The following SEMA3A variants were observed in gnomAD, a reference collection of about 807,000 sequenced individuals.
SEMA3A encodes semaphorin-3A.
In SEMA3A, 29 loss-of-function variants were observed where a neutral mutation model predicts 97.9. The observed-to-expected ratio is 0.30, with a 90% CI of 0.22 to 0.40. SEMA3A has a LOEUF of 0.40. Among genes scored for constraint, SEMA3A ranks in the 10% least tolerant of loss-of-function variants. SEMA3A has a pLI of 1.00. For missense variants in SEMA3A, 763 were observed against 951.3 expected (o/e 0.80, Z 2.60); for synonymous variants, 321 against 323.7 (o/e 0.99, Z 0.09).
At chr7:84,440,581 T>C (rs912113694) in intron 1 of SEMA3A, among the ~76,000 whole-genome samples, 1 of 152,024 alleles carries the variant, frequency 6.6e-6, no homozygotes, top group African/African-American at 2.4e-5. Flanking sequence ...GACTAGAACA[T>C]CAAAAAGCAA....
At chr7:84,448,477 T>C (rs533059240) in intron 1 of SEMA3A, among the ~76,000 whole-genome samples, 366 of 152,214 alleles carry the variant, frequency 2.4e-3, no homozygotes, top group Non-Finnish European at 3.9e-3. Context: ...ACTTTAAAAA[T>C]TACTTGTATT....
At chr7:84,403,769 T>C (rs187364832) in intron 1 of SEMA3A, among the ~76,000 whole-genome samples, 64 of 152,244 alleles carry the variant, frequency 4.2e-4, no homozygotes, top group Admixed American at 1.4e-3. Context: ...CCACTGCTGA[T>C]ACCCAGGCAA....
chr7:84,243,327 T>G (rs1799408108), intron 3 of SEMA3A, among the ~76,000 whole-genome samples: 1 of 152,208 alleles, frequency 6.6e-6, no homozygotes, highest in African/African-American at 2.4e-5. Context: ...TTTCAGAACT[T>G]GTTATTGGTC....
chr7:84,012,134 T>A (rs1435950493), intron 7 of SEMA3A, among the ~76,000 whole-genome samples: 2 of 152,082 alleles, frequency 1.3e-5, no homozygotes, highest in Admixed American at 6.5e-5. Flanking sequence ...TTAGGAGAAA[T>A]GAGTTTAAGA....
Position 84,445,493 on chromosome 7 carries a change from C to CAAAAAAAAAAAAAAAA in SEMA3A, c.-246+46951_-246+46966dup, listed in dbSNP as rs61298477. ...TGGGCGACAGAGTGAGACTCCATCT[C>CAAAAAAAAAAAAAAAA]AAAAAAAAAAAAAAAAAAAAAAAAA... On this transcript the variant is annotated intron_variant, in intron 1 of 3. Transcript: ENST00000424555. 1.9e-3 allele frequency among the ~76,000 whole-genome samples: 53 copies of CAAAAAAAAAAAAAAAA among 27,588 alleles called. 3 individuals carry two copies. The highest frequency in any genetic ancestry group is 0.062 in the Middle Eastern group (1 of 16). 18.1% of individuals were successfully genotyped at this position (27,588 alleles called of 152,430 possible). A position where few individuals can be genotyped will look rare whatever the true frequency, so the allele number is the denominator to read the frequency against.
chr7:84,482,329 T>C, intron 1 of SEMA3A, among the ~76,000 whole-genome samples: 1 of 152,290 alleles, frequency 6.6e-6, no homozygotes, highest in South Asian at 2.1e-4. Flanking sequence ...TTTATAATTA[T>C]TGTATACCGA....
At chr7:84,484,053 GA>G (rs879740885) in intron 1 of SEMA3A, among the ~76,000 whole-genome samples, 5,426 of 117,916 alleles carry the variant, frequency 0.046, 130 homozygotes, top group Non-Finnish European at 0.068. Flanking sequence ...TCAAAAAAAA[GA>G]AAAAAAAAAA....
intron 4 of SEMA3A, among the ~76,000 whole-genome samples, chr7:84,092,541 G>A (rs1261443072): frequency 6.6e-6 from 1 of 151,864 alleles, no homozygotes; most frequent in Non-Finnish European, 1.5e-5. Context: ...TTTTCAATGT[G>A]ATAAATGAGT....
chr7:84,432,649 T>C (rs1430397521), intron 1 of SEMA3A, among the ~76,000 whole-genome samples: 1 of 152,206 alleles, frequency 6.6e-6, no homozygotes, highest in East Asian at 1.9e-4. Flanking sequence ...TTTTGTTTTC[T>C]GTTCCTGCAT....
upstream of SEMA3A, among the ~76,000 whole-genome samples, chr7:84,196,745 C>A (rs1204691048): frequency 6.6e-6 from 1 of 152,196 alleles, no homozygotes; most frequent in Non-Finnish European, 1.5e-5. Context: ...ATTCATGTCG[C>A]TTTGGGATTA....
chr7:84,055,292 C>T (rs1162721499), intron 5 of SEMA3A, among the ~76,000 whole-genome samples: 5 of 152,166 alleles, frequency 3.3e-5, no homozygotes, highest in Admixed American at 1.3e-4. Context: ...GGCGGGCGCC[C>T]CTCCCCCCGC....
chr7:84,355,201 C>T (rs1401096871), intron 2 of SEMA3A, among the ~76,000 whole-genome samples: 1 of 151,838 alleles, frequency 6.6e-6, no homozygotes, highest in Non-Finnish European at 1.5e-5. Flanking sequence ...AAATCCTGAG[C>T]TCTGCTCAAT....
In SEMA3A at chr7:84,091,135, AGAAGGAAGGAAG is replaced by A. The variant is rs1272289412; in HGVS notation, c.453+19323_453+19334del. ...GAAAGAAAGAAAAAGAAAGAAAGAA[AGAAGGAAGGAAG>A]GAAGGAAGGAAGGAAGGAAGGAAAG... is the stretch of plus-strand genomic sequence containing the variant. On this transcript the variant is annotated intron_variant, in intron 4 of 16. Transcript: ENST00000265362. 6.3e-4 allele frequency among the ~76,000 whole-genome samples: 32 copies of A among 50,972 alleles called. 2 individuals are homozygous for A. Among genetic ancestry groups the A allele is most frequent in the East Asian group, 3.6e-3 (6 of 1,668 alleles). 33.4% of individuals were successfully genotyped at this position (50,972 alleles called of 152,430 possible).
intron 1 of SEMA3A, among the ~76,000 whole-genome samples, chr7:84,383,762 C>T (rs1803327669): frequency 6.6e-6 from 1 of 152,126 alleles, no homozygotes; most frequent in African/African-American, 2.4e-5. Context: ...AAGTTTGTTG[C>T]TACCATGAAC....
intron 1 of SEMA3A, among the ~76,000 whole-genome samples, chr7:84,475,364 G>A (rs1185392639): frequency 6.6e-6 from 1 of 152,116 alleles, no homozygotes; most frequent in Non-Finnish European, 1.5e-5. Context: ...TGCTTTTGGA[G>A]TGGTGGTGGT....
chr7:84,018,374 A>G (rs1313026012), intron 6 of SEMA3A, among the ~76,000 whole-genome samples: 1 of 152,188 alleles, frequency 6.6e-6, no homozygotes, highest in African/African-American at 2.4e-5. Context: ...TTTCATTTAT[A>G]AAATAAGTGT....
At chr7:84,477,560 A>G (rs1177899531) in intron 1 of SEMA3A, among the ~76,000 whole-genome samples, 2 of 152,088 alleles carry the variant, frequency 1.3e-5, no homozygotes, top group Non-Finnish European at 2.9e-5. Flanking sequence ...AAAGATAGAA[A>G]TTTACTCCCA....
chr7:84,047,812 G>A (rs1312671140), intron 5 of SEMA3A, among the ~76,000 whole-genome samples: 1 of 151,980 alleles, frequency 6.6e-6, no homozygotes, highest in Non-Finnish European at 1.5e-5. Context: ...ATTACCATAT[G>A]TTCACGTACC....
At chr7:84,149,660 C>T (rs1462841230) in intron 1 of SEMA3A, among the ~76,000 whole-genome samples, 1 of 152,224 alleles carries the variant, frequency 6.6e-6, no homozygotes, top group African/African-American at 2.4e-5. Flanking sequence ...TACTTCTCTA[C>T]TTCATCACAA....
Sources: allele counts gnomAD v4.1 joint callset (sites outside exome capture counted in the v4.1 genomes callset), GRCh38; gene constraint gnomAD v4.1.1; transcripts MANE v1.5; gene names NCBI Gene and HGNC (gene_info 2026-07-23, HGNC 2026-07-21).